The following CNIH3 variants were observed in gnomAD, a reference collection of about 807,000 sequenced individuals.
CNIH3 encodes cornichon family AMPA receptor auxiliary protein 3.
In CNIH3, 14 loss-of-function variants were observed where a neutral mutation model predicts 24.1. The observed-to-expected ratio is 0.58, with a 90% CI of 0.38 to 0.91. The LOEUF (loss-of-function observed/expected upper bound fraction) is 0.91, where lower values mean the gene tolerates loss of function less well. Ranked by LOEUF, CNIH3 falls within the 40% of genes least tolerant of loss-of-function variation. The pLI is 0.00. For missense variants in CNIH3, 178 were observed against 196.8 expected (o/e 0.90, Z 0.57); for synonymous variants, 68 against 73.8 (o/e 0.92, Z 0.40).
At chr1:224,504,619 T>A (rs1036828400) in intron 1 of CNIH3, among the ~76,000 whole-genome samples, 1 of 152,094 alleles carries the variant, frequency 6.6e-6, no homozygotes, top group Admixed American at 6.5e-5. Flanking sequence ...AGGAGTCATG[T>A]GTCACTAGTC....
intron 3 of CNIH3, among the ~76,000 whole-genome samples, chr1:224,560,545 C>G (rs1241806778): frequency 6.6e-6 from 1 of 152,076 alleles, no homozygotes; most frequent in African/African-American, 2.4e-5. Context: ...TAAGCTCCGC[C>G]TCCTTTCAGA....
At chr1:224,613,612 T>C (rs1482533097), upstream of CNIH3, among the ~76,000 whole-genome samples, 2 of 152,144 alleles carry the variant, frequency 1.3e-5, no homozygotes, top group Non-Finnish European at 2.9e-5. Flanking sequence ...TGGGGGTGGA[T>C]CCCTCATGGC....
At chr1:224,737,212 C>G (rs1180711599) in intron 5 of CNIH3, among the ~76,000 whole-genome samples, 1 of 108,434 alleles carries the variant, frequency 9.2e-6, no homozygotes, top group Admixed American at 1.3e-4. Context: ...GCGTGCTCCG[C>G]TGCGGGGGTG....
chr1:224,601,661 C>T (rs1253326837), intron 3 of CNIH3, among the ~76,000 whole-genome samples: 1 of 152,182 alleles, frequency 6.6e-6, no homozygotes, highest in Non-Finnish European at 1.5e-5. Flanking sequence ...TCATGAAAGA[C>T]TTAATTTCAC....
chr1:224,497,551 AAGATT>A (rs1267788276), intron 1 of CNIH3, among the ~76,000 whole-genome samples: 2 of 152,230 alleles, frequency 1.3e-5, no homozygotes. Flanking sequence ...GGTTGCTGTG[AAGATT>A]AGATAAGATA....
intron 1 of CNIH3, among the ~76,000 whole-genome samples, chr1:224,624,699 A>G (rs1241742880): frequency 6.6e-6 from 1 of 152,124 alleles, no homozygotes; most frequent in Non-Finnish European, 1.5e-5. Context: ...CATGGCTACC[A>G]AGAGTGATCT....
intron 3 of CNIH3, among the ~76,000 whole-genome samples, chr1:224,689,378 C>T (rs1686817787): frequency 6.6e-6 from 1 of 152,196 alleles, no homozygotes; most frequent in Non-Finnish European, 1.5e-5. Context: ...TTTATGACAT[C>T]ACTAAGCACA....
chr1:224,697,122 G>T (rs975760628), intron 3 of CNIH3, among the ~76,000 whole-genome samples: 2 of 152,206 alleles, frequency 1.3e-5, no homozygotes, highest in African/African-American at 4.8e-5. Flanking sequence ...CTGAGCATGG[G>T]ATAAAGGCAT....
At position 224,684,228 on chromosome 1, in the gene CNIH3, G is replaced by C. The variant is rs17514252; in HGVS notation, c.151-568G>C. Among the ~76,000 whole-genome samples the C allele has an allele frequency of 0.18, 26,804 of 152,230 alleles. 2,524 individuals are homozygous for C. Among genetic ancestry groups the C allele is most frequent in the African/African-American group, 0.23 (9,602 of 41,542 alleles). Reference sequence around the variant, plus strand: ...TTCCCTTGGCAGTGAGCCAGGCCTTGACAGACTCGAACTTCTTAAAAAGCC... The same window carrying C: ...TTCCCTTGGCAGTGAGCCAGGCCTTCACAGACTCGAACTTCTTAAAAAGCC... On this transcript the variant is annotated intron_variant, in intron 2 of 5. Coordinates refer to ENST00000272133, the MANE Select transcript of CNIH3 (RefSeq NM_152495.2). This position sits in a 1 kb window ranked among gnomAD's most constrained non-coding sequence, Gnocchi z 4.2.
In CNIH3 at chr1:224,439,913, A is replaced by C. The variant is rs1333549434; in HGVS notation, n.203+5051A>C. 2.0e-5 allele frequency among the ~76,000 whole-genome samples: 3 copies of C among 152,082 alleles called. No individual in the cohort carries two copies. The East Asian group carries it at 5.8e-4, about 30-fold the overall frequency. On this transcript the variant is annotated intron_variant and non_coding_transcript_variant, in intron 1 of 5. Coordinates refer to the CNIH3 transcript ENST00000471578. ...ATGCCATTCTCCTGCCTCAGCCTCC[A>C]GAGTAGCTGGGACTACAGGCACCCA...
intron 1 of CNIH3, among the ~76,000 whole-genome samples, chr1:224,644,558 C>A: frequency 6.6e-6 from 1 of 152,106 alleles, no homozygotes; most frequent in East Asian, 1.9e-4. Flanking sequence ...ACAAATTCTA[C>A]AAATCAAGGG....
At chr1:224,614,967 ATAAATAAAT>A (rs1558213108), upstream of CNIH3, among the ~76,000 whole-genome samples, 1 of 107,850 alleles carries the variant, frequency 9.3e-6, no homozygotes, top group Non-Finnish European at 2.0e-5. Context: ...AAATAAATAA[ATAAATAAAT>A]AAGTAAAAGA....
At chr1:224,715,627 C>T (rs1688387469) in intron 3 of CNIH3, among the ~76,000 whole-genome samples, 1 of 152,208 alleles carries the variant, frequency 6.6e-6, no homozygotes, top group Non-Finnish European at 1.5e-5. Context: ...GTGAAAGCCT[C>T]AGGCTGCTTC....
At chr1:224,466,500 A>G (rs1047310554) in intron 1 of CNIH3, among the ~76,000 whole-genome samples, 1 of 152,184 alleles carries the variant, frequency 6.6e-6, no homozygotes, top group Non-Finnish European at 1.5e-5. Context: ...AACCATTTAT[A>G]CATTGAAGGA....
intron 1 of CNIH3, among the ~76,000 whole-genome samples, chr1:224,653,631 T>G (rs1684966466): frequency 6.6e-6 from 1 of 152,218 alleles, no homozygotes; most frequent in Non-Finnish European, 1.5e-5. Flanking sequence ...GACTTTGCAG[T>G]CTCTCTTTAG....
rs557291608 is a variant in CNIH3 at position 224,636,231 on chromosome 1, C to A, written c.81+18976C>A. On this transcript the variant is annotated intron_variant, in intron 1 of 5. Coordinates refer to ENST00000272133, the MANE Select transcript of CNIH3 (RefSeq NM_152495.2). Reference sequence around the variant, plus strand: ...GGTTGGGTTGGGTGAGTTCGGTTTACCATTTGCATATTTGTTTTCTTTTAA... The same window carrying A: ...GGTTGGGTTGGGTGAGTTCGGTTTAACATTTGCATATTTGTTTTCTTTTAA... 2.0e-5 allele frequency among the ~76,000 whole-genome samples: 3 copies of A among 152,120 alleles called. No individual in the cohort carries two copies. The South Asian group carries it at 6.2e-4, about 32-fold the overall frequency.
intron 3 of CNIH3, among the ~76,000 whole-genome samples, chr1:224,558,875 A>T (rs17571353): frequency 6.6e-6 from 1 of 152,198 alleles, no homozygotes; most frequent in Non-Finnish European, 1.5e-5. Flanking sequence ...TATCATTTTC[A>T]GCTTTTTAAA....
chr1:224,583,454 A>C (rs1681362855), intron 5 of CNIH3, among the ~76,000 whole-genome samples: 1 of 152,214 alleles, frequency 6.6e-6, no homozygotes, highest in Admixed American at 6.5e-5. Flanking sequence ...TATGGGGATC[A>C]GCAGGTAAGA....
intron 2 of CNIH3, among the ~76,000 whole-genome samples, chr1:224,528,366 G>A: frequency 6.6e-6 from 1 of 152,082 alleles, no homozygotes; most frequent in South Asian, 2.1e-4. Context: ...TATTGTACAG[G>A]TTGGAGTGCA....
Sources: allele counts gnomAD v4.1 joint callset (sites outside exome capture counted in the v4.1 genomes callset), GRCh38; gene constraint gnomAD v4.1.1; non-coding constraint Gnocchi (gnomAD v3.1); transcripts MANE v1.5; gene names NCBI Gene and HGNC (gene_info 2026-07-23, HGNC 2026-07-21).